CCSER1: variants seen among roughly 807,000 people sequenced by gnomAD.
CCSER1 encodes coiled-coil serine rich protein 1, also known as serine-rich coiled-coil domain-containing protein 1.
A neutral mutation model predicts 82.0 loss-of-function variants in CCSER1; 41 were observed. The observed-to-expected ratio is 0.50, with a 90% CI of 0.39 to 0.65. The LOEUF is 0.65. CCSER1 is among the 30% of genes least tolerant of loss of function. The pLI, the probability that CCSER1 is intolerant of heterozygous loss-of-function variation, is 0.00. For missense variants in CCSER1, 1,119 were observed against 1,064.2 expected, an observed-to-expected ratio of 1.05 and a Z score of -0.72; for synonymous variants, 414 against 383.9, an observed-to-expected ratio of 1.08 and a Z score of -0.92.
rs767236070 is a variant in CCSER1 at position 90,933,323 on chromosome 4, G to A, written c.2172+9876G>A. ...CTGCCTCAGCCTCCTGAGTAGCTGGGACTACAGGCGCCCGCCACCACGCCC... is the reference window on the plus strand; with the variant it reads ...CTGCCTCAGCCTCCTGAGTAGCTGGAACTACAGGCGCCCGCCACCACGCCC... On this transcript the variant is annotated intron_variant, in intron 9 of 10. Transcript: ENST00000509176. Among the ~76,000 whole-genome samples, 741 of 151,594 alleles carry A rather than the reference G, an allele frequency of 4.9e-3. 6 individuals are homozygous for A. Among genetic ancestry groups the A allele is most frequent in the Middle Eastern group, 0.031 (9 of 294 alleles).
rs1764838438 is a variant in CCSER1, at chr4:91,602,143, T to G, written c.*3086T>G. Among the ~76,000 whole-genome samples the G allele has an allele frequency of 1.3e-5, 2 of 152,056 alleles. No individual in the cohort carries two copies. Among genetic ancestry groups the G allele is most frequent in the Non-Finnish European group, 2.9e-5 (2 of 67,954 alleles). ...TATTCAAGTTATTTTTGTTATCTAATGATTGACATGAAAATAAAATAGTAA... is the reference window on the plus strand; with the variant it reads ...TATTCAAGTTATTTTTGTTATCTAAGGATTGACATGAAAATAAAATAGTAA... On this transcript the variant is annotated 3_prime_UTR_variant, in exon 11 of 11. Coordinates refer to ENST00000509176, the MANE Select transcript of CCSER1 (RefSeq NM_001145065.2).
intron 2 of CCSER1, among the ~76,000 whole-genome samples, chr4:90,311,145 ATAAGT>A (rs1458282199): frequency 1.3e-5 from 2 of 152,160 alleles, no homozygotes; most frequent in East Asian, 1.9e-4. Flanking sequence ...AAAATTTATA[ATAAGT>A]TAAATAACTT....
At chr4:90,733,325 A>G (rs1401895859) in intron 7 of CCSER1, among the ~76,000 whole-genome samples, 3 of 152,148 alleles carry the variant, frequency 2.0e-5, no homozygotes, top group African/African-American at 7.2e-5. Flanking sequence ...TCCCATTTGT[A>G]TATATTCTTT....
chr4:90,563,885 A>G (rs1006978465), intron 5 of CCSER1, among the ~76,000 whole-genome samples: 3 of 152,170 alleles, frequency 2.0e-5, no homozygotes, highest in Non-Finnish European at 4.4e-5. Context: ...TGGCTATACT[A>G]AGTTACATTC....
At chr4:91,216,184 A>C (rs1264526558) in intron 10 of CCSER1, among the ~76,000 whole-genome samples, 1 of 152,170 alleles carries the variant, frequency 6.6e-6, no homozygotes, top group Admixed American at 6.5e-5. Flanking sequence ...GGTCAAGAAG[A>C]ACCTCCCATA....
At chr4:91,094,082 TCCA>T (rs1272386155) in intron 10 of CCSER1, among the ~76,000 whole-genome samples, 1 of 152,176 alleles carries the variant, frequency 6.6e-6, no homozygotes, top group African/African-American at 2.4e-5. Flanking sequence ...CTCACAGTCC[TCCA>T]GGTGTCGAAG....
At chr4:90,164,410 G>T (rs1285037815) in intron 1 of CCSER1, among the ~76,000 whole-genome samples, 1 of 152,000 alleles carries the variant, frequency 6.6e-6, no homozygotes, top group Non-Finnish European at 1.5e-5. Flanking sequence ...TTAAGGAATA[G>T]TAATTTTTTC....
intron 3 of CCSER1, among the ~76,000 whole-genome samples, chr4:90,373,167 T>C (rs1747733687): frequency 6.6e-6 from 1 of 152,034 alleles, no homozygotes; most frequent in South Asian, 2.1e-4. Flanking sequence ...AGGGAGTGTA[T>C]GTGTGTGTGC....
chr4:90,278,770 C>T (rs1429204582), intron 1 of CCSER1, among the ~76,000 whole-genome samples: 1 of 151,958 alleles, frequency 6.6e-6, no homozygotes, highest in Admixed American at 6.6e-5. Context: ...CCTCAAGCCT[C>T]AACATTACAC....
At chr4:90,493,422 G>A (rs894817865) in intron 5 of CCSER1, among the ~76,000 whole-genome samples, 1 of 152,038 alleles carries the variant, frequency 6.6e-6, no homozygotes, top group African/African-American at 2.4e-5. Flanking sequence ...ATGCCACAAA[G>A]ATACTCCTCG....
chr4:91,563,598 G>A (rs1045632674), intron 10 of CCSER1, among the ~76,000 whole-genome samples: 1 of 151,744 alleles, frequency 6.6e-6, no homozygotes, highest in Non-Finnish European at 1.5e-5. Flanking sequence ...ATAATACTCA[G>A]TGGTGAAAAG....
At chr4:90,954,843 C>G (rs1486016425) in intron 9 of CCSER1, among the ~76,000 whole-genome samples, 2 of 152,034 alleles carry the variant, frequency 1.3e-5, no homozygotes, top group African/African-American at 4.8e-5. Context: ...AAAACAACTT[C>G]TCTAACTTCT....
intron 1 of CCSER1, among the ~76,000 whole-genome samples, chr4:90,270,543 G>A (rs558777926): frequency 2.0e-4 from 31 of 152,136 alleles, no homozygotes; most frequent in African/African-American, 6.7e-4. Context: ...GTATCATACA[G>A]ACTAGGGAAA....
At position 90,943,729 on chromosome 4, in the gene CCSER1, A is replaced by ATTTTTTTT. The variant is rs70965460; in HGVS notation, c.2172+20304_2172+20311dup. 2.5e-4 allele frequency among the ~76,000 whole-genome samples: 17 copies of ATTTTTTTT among 68,850 alleles called. 1 individual carries two copies. The highest frequency in any genetic ancestry group is 3.4e-4 in the Non-Finnish European group (13 of 38,432). The allele number at this position is 68,850 out of a possible 152,430, so 45.2% of individuals were successfully genotyped here. ...AAACATGAGCCACTGTGCCAGGCTA[A>ATTTTTTTT]TTTTTTTTTTTTTTTTTTTTTTTTT... On this transcript the variant is annotated intron_variant, in intron 9 of 10. Coordinates refer to ENST00000509176, the MANE Select transcript of CCSER1 (RefSeq NM_001145065.2).
At chr4:91,589,047 T>A (rs928353154) in intron 10 of CCSER1, among the ~76,000 whole-genome samples, 2 of 151,868 alleles carry the variant, frequency 1.3e-5, no homozygotes, top group African/African-American at 4.8e-5. Context: ...AAATTTGCTA[T>A]GTATTTAGTA....
At chr4:90,208,378 G>A (rs75657154) in intron 1 of CCSER1, among the ~76,000 whole-genome samples, 7,424 of 152,180 alleles carry the variant, frequency 0.049, 436 homozygotes, top group East Asian at 0.25. Context: ...GTCCCATGTC[G>A]ACTTCAGACT....
At chr4:91,080,616 A>G (rs1015503386) in intron 9 of CCSER1, among the ~76,000 whole-genome samples, 6 of 152,222 alleles carry the variant, frequency 3.9e-5, no homozygotes, top group African/African-American at 1.2e-4. Flanking sequence ...CAAAAAATCA[A>G]TGAATCCTGG....
chr4:91,345,352 A>C (rs1164557772), intron 10 of CCSER1, among the ~76,000 whole-genome samples: 1 of 152,138 alleles, frequency 6.6e-6, no homozygotes, highest in Non-Finnish European at 1.5e-5. Flanking sequence ...CTGCCACTGC[A>C]CTCCAGCCTG....
intron 5 of CCSER1, among the ~76,000 whole-genome samples, chr4:90,594,363 A>G (rs1783060723): frequency 6.6e-6 from 1 of 152,076 alleles, no homozygotes. Flanking sequence ...TAATTTAGTA[A>G]GAAACATGGC....
Sources: allele counts gnomAD v4.1 joint callset (sites outside exome capture counted in the v4.1 genomes callset), GRCh38; gene constraint gnomAD v4.1.1; transcripts MANE v1.5; gene names NCBI Gene and HGNC (gene_info 2026-07-23, HGNC 2026-07-21).